BRINP2: variants seen among roughly 807,000 people sequenced by gnomAD.
The protein encoded by BRINP2 is BMP/retinoic acid inducible neural specific 2.
A neutral mutation model predicts 69.2 loss-of-function variants in BRINP2; 21 were observed. The observed-to-expected ratio is 0.30, with a 90% CI of 0.22 to 0.44. BRINP2 has a LOEUF of 0.44. BRINP2 is among the 20% of genes least tolerant of loss of function. BRINP2 has a pLI of 1.00. For missense variants in BRINP2, 877 were observed against 986.0 expected, an observed-to-expected ratio of 0.89 and a Z score of 1.48; for synonymous variants, 380 against 394.1, an observed-to-expected ratio of 0.96 and a Z score of 0.42.
At chr1:177,257,000 T>C (rs1571935927) in intron 3 of BRINP2, 176 bp from the exon 4 acceptor site, 1 of 1,515,066 alleles carries the variant, frequency 6.6e-7, no homozygotes, top group Non-Finnish European at 8.9e-7. Flanking sequence ...GCCGCTGGCC[T>C]GTGGCTCCCT....
chr1:177,268,397 G>A (rs17380778), intron 4 of BRINP2, among the ~76,000 whole-genome samples: 21,017 of 152,092 alleles, frequency 0.14, 1,560 homozygotes, highest in Middle Eastern at 0.28. Context: ...CTTGAGAGAG[G>A]TGGATGGAGT....
intron 1 of BRINP2, among the ~76,000 whole-genome samples, chr1:177,204,454 T>C (rs1034426197): frequency 6.6e-6 from 1 of 150,778 alleles, no homozygotes; most frequent in Non-Finnish European, 1.5e-5. Context: ...TGTAGAAGGA[T>C]GAGTTTATAA....
At chr1:177,274,811 T>C (rs1464982798) in intron 5 of BRINP2, among the ~76,000 whole-genome samples, 1 of 152,144 alleles carries the variant, frequency 6.6e-6, no homozygotes, top group Admixed American at 6.5e-5. Context: ...ACCACTCAAA[T>C]GCCACAGTAG....
At chr1:177,258,126 T>C (rs1474671222) in intron 4 of BRINP2, among the ~76,000 whole-genome samples, 2 of 152,240 alleles carry the variant, frequency 1.3e-5, no homozygotes, top group African/African-American at 4.8e-5. Context: ...GATCAATAGT[T>C]ATTGTGACTT....
intron 1 of BRINP2, among the ~76,000 whole-genome samples, chr1:177,196,149 G>C (rs773891627): frequency 2.0e-5 from 3 of 152,180 alleles, no homozygotes; most frequent in Non-Finnish European, 2.9e-5. Context: ...GACAATGACT[G>C]ATAATGTTGA....
chr1:177,203,996 G>A (rs925703433), intron 1 of BRINP2, among the ~76,000 whole-genome samples: 4 of 152,170 alleles, frequency 2.6e-5, no homozygotes, highest in Non-Finnish European at 4.4e-5. Flanking sequence ...CCCCGCATAG[G>A]AGTGCCAATA....
At position 177,246,548 on chromosome 1, in the gene BRINP2, C is replaced by G. The variant is rs187697673; in HGVS notation, c.270-9371C>G. Among the ~76,000 whole-genome samples, 12 of 152,314 alleles carry G rather than the reference C, an allele frequency of 7.9e-5. No homozygotes were observed. In the East Asian group the frequency reaches 2.3e-3, roughly 29 times the overall value. ...AGACAACTGTTCGGAGAATAATAGC[C>G]TAGTCCCTTTCAGCACTGTAGTCCT... On this transcript the variant is annotated intron_variant, in intron 2 of 7. Transcript: ENST00000361539.
chr1:177,229,910 C>A lies in BRINP2; in HGVS notation c.34C>A (p.Leu12Ile). The part of the protein sequence containing the change: ...RWQCGTRFRG[L>I]RPAVAPWTAL... ...GCAGTGTGGCACTCGGTTTAGAGGG[C>A]TTCGGCCGGCGGTGGCCCCATGGAC... Residue 12 changes from leucine (L) to isoleucine (I), a missense_variant, in exon 2 of 8, where the codon CTT (leucine) becomes ATT (isoleucine). Physicochemically the swap from Leu to Ile is conservative, Grantham distance 5 (BLOSUM62 2). This residue lies in a region of BRINP2 where 566 missense variants were observed against 625.2 expected (regional missense o/e 0.91). Coordinates refer to ENST00000361539, the MANE Select transcript of BRINP2 (RefSeq NM_021165.4). 1 of 1,605,706 alleles carries A rather than the reference C, an allele frequency of 6.2e-7. No homozygotes were observed.
intron 2 of BRINP2, among the ~76,000 whole-genome samples, chr1:177,248,625 C>T (rs556279796): frequency 2.0e-4 from 31 of 152,140 alleles, no homozygotes; most frequent in African/African-American, 7.5e-4. Flanking sequence ...GAAACTGGTG[C>T]TTCTGTGTGC....
intron 1 of BRINP2, among the ~76,000 whole-genome samples, chr1:177,198,501 C>T (rs1648809958): frequency 6.6e-6 from 1 of 152,172 alleles, no homozygotes; most frequent in Non-Finnish European, 1.5e-5. Context: ...AATTGGGCGA[C>T]AGTGCTGTAT....
chr1:177,274,973 C>T (rs966285080), intron 5 of BRINP2, among the ~76,000 whole-genome samples: 21 of 152,296 alleles, frequency 1.4e-4, no homozygotes, highest in East Asian at 7.7e-4. Flanking sequence ...CTCTGGTTTC[C>T]TGCCAAGGAC....
rs1651343919 is a variant in BRINP2, at chr1:177,271,993, T to C, written c.670-1495T>C. ...TTAAACCTAGGTCTACTAAACTCCCTTGAAGAATGTCCCTTACACTTTCAT... is the reference window on the plus strand; with the variant it reads ...TTAAACCTAGGTCTACTAAACTCCCCTGAAGAATGTCCCTTACACTTTCAT... On this transcript the variant is annotated intron_variant, in intron 4 of 7. Transcript: ENST00000361539. Among the ~76,000 whole-genome samples, 3 of 152,290 alleles carry C rather than the reference T, an allele frequency of 2.0e-5. 1 individual carries two copies. The South Asian group carries it at 6.2e-4, about 32-fold the overall frequency.
At chr1:177,217,392 T>A (rs961306587) in intron 1 of BRINP2, among the ~76,000 whole-genome samples, 4 of 152,216 alleles carry the variant, frequency 2.6e-5, no homozygotes, top group Non-Finnish European at 5.9e-5. Context: ...CTCCTGTTTG[T>A]GTATTATCTT....
intron 1 of BRINP2, among the ~76,000 whole-genome samples, chr1:177,220,293 C>T (rs1013860447): frequency 6.6e-6 from 1 of 152,088 alleles, no homozygotes; most frequent in Non-Finnish European, 1.5e-5. Context: ...ATGTTGAAAT[C>T]CCCATTGTAG....
At chr1:177,210,743 G>C (rs1488510133) in intron 1 of BRINP2, among the ~76,000 whole-genome samples, 1 of 150,618 alleles carries the variant, frequency 6.6e-6, no homozygotes, top group Non-Finnish European at 1.5e-5. Context: ...TAAATTATTT[G>C]ACATCTAAAT....
chr1:177,174,125 C>G (rs1421214398), intron 1 of BRINP2, among the ~76,000 whole-genome samples: 1 of 152,144 alleles, frequency 6.6e-6, no homozygotes, highest in Non-Finnish European at 1.5e-5. Context: ...TAGCCCCCTT[C>G]TTGGAAAAGG....
chr1:177,267,485 T>G (rs890746851), intron 4 of BRINP2, among the ~76,000 whole-genome samples: 4 of 152,240 alleles, frequency 2.6e-5, no homozygotes, highest in Non-Finnish European at 4.4e-5. Flanking sequence ...TATCTCTTGG[T>G]CAATGCCACC....
intron 1 of BRINP2, among the ~76,000 whole-genome samples, chr1:177,208,518 C>A (rs918404571): frequency 1.3e-5 from 2 of 152,142 alleles, no homozygotes; most frequent in Non-Finnish European, 2.9e-5. Flanking sequence ...TGGTAACTGC[C>A]CTTCAGAGAA....
At chr1:177,190,983 G>C (rs1648579178) in intron 1 of BRINP2, among the ~76,000 whole-genome samples, 1 of 152,140 alleles carries the variant, frequency 6.6e-6, no homozygotes. Context: ...ATAGCATAAA[G>C]CCCAATATTT....
Sources: allele counts gnomAD v4.1 joint callset (sites outside exome capture counted in the v4.1 genomes callset), GRCh38; gene constraint gnomAD v4.1.1; regional missense constraint gnomAD v4.1.1; transcripts MANE v1.5; gene names NCBI Gene and HGNC (gene_info 2026-07-23, HGNC 2026-07-21).